SPTBN1: variants seen among roughly 807,000 people sequenced by gnomAD.
The protein encoded by SPTBN1 is spectrin beta chain, non-erythrocytic 1.
A neutral mutation model predicts 266.4 loss-of-function variants in SPTBN1; 32 were observed. The ratio of observed to expected loss-of-function variants is 0.12; its 90% confidence interval spans 0.09 to 0.16. SPTBN1 has a LOEUF of 0.16. SPTBN1 is among the 10% of genes least tolerant of loss of function. SPTBN1 has a pLI of 1.00. For missense variants in SPTBN1, 2,296 were observed against 3,067.1 expected (o/e 0.75, Z 5.94); for synonymous variants, 1,336 against 1,162.2 (o/e 1.15, Z -3.04).
At chr2:54,471,220 C>T (rs114481763) in intron 1 of SPTBN1, among the ~76,000 whole-genome samples, 5 of 152,182 alleles carry the variant, frequency 3.3e-5, no homozygotes, top group Admixed American at 2.0e-4. Flanking sequence ...CTGGTCTCTA[C>T]GAAAACAAAC....
At chr2:54,534,996 T>C (rs1213643035) in intron 2 of SPTBN1, 3 of 152,164 alleles carry the variant, frequency 2.0e-5, no homozygotes, top group African/African-American at 7.2e-5. Context: ...AACTCCTCAT[T>C]CTCTCCACTC....
At chr2:54,545,743 T>G (rs990427759) in intron 2 of SPTBN1, among the ~76,000 whole-genome samples, 2 of 152,000 alleles carry the variant, frequency 1.3e-5, no homozygotes, top group African/African-American at 4.8e-5. Context: ...AGCCTCTCTG[T>G]CTCAGTGTCC....
intron 1 of SPTBN1, among the ~76,000 whole-genome samples, chr2:54,512,393 C>T (rs1666700029): frequency 6.6e-6 from 1 of 152,120 alleles, no homozygotes; most frequent in Non-Finnish European, 1.5e-5. Flanking sequence ...AGGCTTGTTG[C>T]TGCAGTGTTA....
intron 18 of SPTBN1, among the ~76,000 whole-genome samples, chr2:54,642,754 T>G (rs377292425): frequency 1.3e-5 from 2 of 152,202 alleles, no homozygotes; most frequent in East Asian, 1.9e-4. Flanking sequence ...AGAGCTTTTG[T>G]ACTTCTGGAA....
chr2:54,645,122 G>T lies in SPTBN1; in HGVS notation c.4270-107G>T. 1 of 1,140,544 alleles carries T rather than the reference G, an allele frequency of 8.8e-7. No homozygotes were observed. The allele number at this position is 1,140,544 out of a possible 1,614,324, so 70.7% of individuals were successfully genotyped here. A position where few individuals can be genotyped will look rare whatever the true frequency, so the allele number is the denominator to read the frequency against. ...GCAAAATGTTTGAGTGGCTCCCATG[G>T]CTGGCTTTGCGGTGTGGCCAAGTCC... On this transcript the variant is annotated intron_variant, in intron 20 of 35. Coordinates refer to ENST00000356805, the MANE Select transcript of SPTBN1 (RefSeq NM_003128.3). This position sits in a 1 kb window ranked among gnomAD's most constrained non-coding sequence, Gnocchi z 4.3.
At chr2:54,651,593 A>G (rs1179236623) in intron 26 of SPTBN1, among the ~76,000 whole-genome samples, 1 of 152,192 alleles carries the variant, frequency 6.6e-6, no homozygotes, top group Non-Finnish European at 1.5e-5. Flanking sequence ...GCACTGATGG[A>G]GGTCTTGAGT....
chr2:54,473,959 G>T (rs1045184592), intron 1 of SPTBN1, among the ~76,000 whole-genome samples: 22 of 152,134 alleles, frequency 1.4e-4, no homozygotes, highest in African/African-American at 5.1e-4. Context: ...ATATCTACTG[G>T]GGGATGCAGT....
At chr2:54,468,855 G>T (rs987110537) in intron 1 of SPTBN1, among the ~76,000 whole-genome samples, 1 of 152,130 alleles carries the variant, frequency 6.6e-6, no homozygotes, top group Non-Finnish European at 1.5e-5. Flanking sequence ...TTTTACTTTT[G>T]TGTTCTGATT....
chr2:54,594,461 T>C (rs1280752586), intron 2 of SPTBN1, among the ~76,000 whole-genome samples: 1 of 152,216 alleles, frequency 6.6e-6, no homozygotes, highest in East Asian at 1.9e-4. Context: ...ATGTTGGTTA[T>C]AGGCAAATAC....
intron 3 of SPTBN1, among the ~76,000 whole-genome samples, chr2:54,607,846 A>T (rs1191333146): frequency 6.6e-6 from 1 of 152,186 alleles, no homozygotes; most frequent in Non-Finnish European, 1.5e-5. Context: ...AAGGTCAACC[A>T]CATTCTTCTG....
chr2:54,636,090 A>T (rs1025872773), intron 17 of SPTBN1, among the ~76,000 whole-genome samples: 14 of 152,238 alleles, frequency 9.2e-5, no homozygotes, highest in African/African-American at 3.4e-4. Context: ...TCTGTAGCAT[A>T]TGCCATTTAA....
At position 54,554,127 on chromosome 2, in the gene SPTBN1, T is replaced by C. The variant is rs1672732044; in HGVS notation, c.148+27561T>C. On this transcript the variant is annotated intron_variant, in intron 2 of 35. Coordinates refer to ENST00000356805, the MANE Select transcript of SPTBN1 (RefSeq NM_003128.3). The surrounding 1 kb of genome is among the most constrained non-coding windows in gnomAD (Gnocchi z 4.5). ...GTAGAGGTTCGTGTAGAGGCCTGCT[T>C]GGGTTTTAGGTTAATCTTGATACCA... Among the ~76,000 whole-genome samples the C allele has an allele frequency of 6.6e-6, 1 of 152,092 alleles. No homozygotes were observed. The highest frequency in any genetic ancestry group is 2.4e-5 in the African/African-American group (1 of 41,416).
chr2:54,475,625 A>G (rs897260132), intron 1 of SPTBN1, among the ~76,000 whole-genome samples: 1 of 152,174 alleles, frequency 6.6e-6, no homozygotes, highest in Non-Finnish European at 1.5e-5. Flanking sequence ...TGCTTCTGTG[A>G]GTTTGAGCCA....
rs1672736681 is a variant in SPTBN1, at chr2:54,554,238, G to A, written c.148+27672G>A. ...CTGAGCATATGGGAGAAACAGCAGA[G>A]GTGGGGAGATGGGGAGCACGCTGAC... On this transcript the variant is annotated intron_variant, in intron 2 of 35. Transcript: ENST00000356805. The surrounding 1 kb of genome is among the most constrained non-coding windows in gnomAD (Gnocchi z 4.5). Among the ~76,000 whole-genome samples the A allele has an allele frequency of 6.6e-6, 1 of 152,212 alleles. No homozygotes were observed. Among genetic ancestry groups the A allele is most frequent in the South Asian group, 2.1e-4 (1 of 4,834 alleles).
At chr2:54,556,766 T>C (rs189960939) in intron 2 of SPTBN1, among the ~76,000 whole-genome samples, 1 of 152,118 alleles carries the variant, frequency 6.6e-6, no homozygotes, top group Non-Finnish European at 1.5e-5. Flanking sequence ...AGTATGATAA[T>C]TTTTAGAACA....
rs1306180783 is a variant in SPTBN1, at chr2:54,517,569, TCTC to T, written c.-47-8802_-47-8800del. Among the ~76,000 whole-genome samples, 11 of 152,202 alleles carry T rather than the reference TCTC, an allele frequency of 7.2e-5. No homozygotes were observed. In the South Asian group the frequency reaches 2.3e-3, roughly 32 times the overall value. ...TAGTAATTTAATAATTATTAATAGG[TCTC>T]AGAGAACCTTTCCCTGTCAGGATGA... On this transcript the variant is annotated intron_variant, in intron 1 of 35. Coordinates refer to ENST00000356805, the MANE Select transcript of SPTBN1 (RefSeq NM_003128.3).
At chr2:54,596,741 C>G (rs549309469) in intron 2 of SPTBN1, among the ~76,000 whole-genome samples, 17 of 152,286 alleles carry the variant, frequency 1.1e-4, no homozygotes, top group African/African-American at 3.9e-4. Context: ...TTCTAAGAAC[C>G]ATGATAGCCC....
intron 8 of SPTBN1, 152 bp from the exon 9 acceptor site, chr2:54,622,148 T>C (rs1247555122): frequency 1.2e-5 from 8 of 693,080 alleles, no homozygotes; most frequent in Non-Finnish European, 4.7e-6. Flanking sequence ...TGAGTTAAAA[T>C]GCTTGTGCCC....
In SPTBN1 at chr2:54,668,541, G is replaced by A. The variant is rs1681537690; in HGVS notation, c.7067G>A (p.Arg2356Gln). ...EKDKEKDKEK[R>Q]FSLFGKKK Reference sequence around the variant, plus strand: ...GACAAAGAGAAAGACAAAGAGAAGCGGTTCAGCCTTTTTGGCAAAAAGAAA... The same window carrying A: ...GACAAAGAGAAAGACAAAGAGAAGCAGTTCAGCCTTTTTGGCAAAAAGAAA... Residue 2356 changes from arginine to glutamine, a missense_variant, in exon 36 of 36, where the codon CGG becomes CAG. Arg to Gln is a conservative substitution (Grantham distance 43, BLOSUM62 1). Transcript: ENST00000356805. The A allele has an allele frequency of 2.5e-6, 4 of 1,613,950 alleles. No homozygotes were observed. Among genetic ancestry groups the A allele is most frequent in the Middle Eastern group, 1.6e-4 (1 of 6,062 alleles).
Sources: gnomAD v4.1 joint callset for allele counts (sites outside exome capture counted in the v4.1 genomes callset) on GRCh38, gnomAD v4.1.1 for gene constraint, Gnocchi (gnomAD v3.1) non-coding constraint, MANE v1.5 for transcripts, NCBI Gene and HGNC (gene_info 2026-07-23, HGNC 2026-07-21) for gene names.